The following MTMR7 variants were observed in gnomAD, a reference collection of about 807,000 sequenced individuals.
MTMR7 encodes the protein myotubularin related protein 7.
A neutral mutation model predicts 81.2 loss-of-function variants in MTMR7; 76 were observed. The observed-to-expected ratio is 0.94, with a 90% CI of 0.78 to 1.13. The LOEUF is 1.13. MTMR7 is among the 50% of genes most tolerant of loss of function. The probability of loss-of-function intolerance (pLI) is 0.00; values close to 1 mark genes in which losing one functional copy is unlikely to be tolerated. For synonymous variants in MTMR7, 372 were observed against 289.8 expected, an observed-to-expected ratio of 1.28 and a Z score of -2.88; for missense variants, 1,044 against 820.0, an observed-to-expected ratio of 1.27 and a Z score of -3.34.
intron 6 of MTMR7, among the ~76,000 whole-genome samples, chr8:17,332,585 G>C (rs948622324): frequency 1.3e-5 from 2 of 152,188 alleles, no homozygotes; most frequent in East Asian, 1.9e-4. Flanking sequence ...TAAGTGAAAA[G>C]TGCATGGCAA....
chr8:17,299,990 C>G lies in MTMR7; in HGVS notation c.1855G>C (p.Ala619Pro). Residue 619 changes from alanine (A) to proline (P), a missense_variant, in exon 14 of 14, where the codon GCC becomes CCC. By Grantham distance (27) the Ala-to-Pro change is conservative (BLOSUM62 -1). Coordinates refer to ENST00000180173, the MANE Select transcript of MTMR7 (RefSeq NM_004686.5). ...NLKSSDPDLSANSDQESGVED... is the reference protein window; with the variant it reads ...NLKSSDPDLSPNSDQESGVED... ...ACCCCGGACTCTTGGTCACTGTTGG[C>G]TGACAGATCTGGATCTGAACTTTTC... The G allele has an allele frequency of 6.2e-7, 1 of 1,614,136 alleles. No homozygotes were observed. Among genetic ancestry groups the G allele is most frequent in the South Asian group, 1.1e-5 (1 of 91,076 alleles).
chr8:17,322,022 A>C (rs1014457989), intron 7 of MTMR7, among the ~76,000 whole-genome samples: 3 of 152,154 alleles, frequency 2.0e-5, no homozygotes, highest in Non-Finnish European at 4.4e-5. Context: ...GGGTGCAGAA[A>C]AAGTCTCCAT....
At chr8:17,393,923 T>C (rs1030884893) in intron 1 of MTMR7, among the ~76,000 whole-genome samples, 2 of 152,156 alleles carry the variant, frequency 1.3e-5, no homozygotes, top group Non-Finnish European at 2.9e-5. Context: ...AAAGAAGACA[T>C]ATGAATAGCT....
intron 4 of MTMR7, among the ~76,000 whole-genome samples, chr8:17,351,044 C>T (rs926218617): frequency 4.0e-4 from 61 of 152,214 alleles, no homozygotes; most frequent in African/African-American, 1.4e-3. Context: ...TCCATGAAGT[C>T]AGCCAGCTAG....
At chr8:17,343,428 GA>G (rs894908823) in intron 5 of MTMR7, among the ~76,000 whole-genome samples, 9 of 146,306 alleles carry the variant, frequency 6.2e-5, no homozygotes, top group Non-Finnish European at 7.5e-5. Flanking sequence ...ACTCCATCTC[GA>G]AAAAAAAAAG....
intron 7 of MTMR7, among the ~76,000 whole-genome samples, chr8:17,321,123 T>C (rs1272190271): frequency 6.6e-6 from 1 of 152,224 alleles, no homozygotes; most frequent in Non-Finnish European, 1.5e-5. Context: ...CTCTGACGCT[T>C]AGCCCAGGAA....
chr8:17,349,169 AG>A (rs1249360022), intron 4 of MTMR7, 88 bp from the exon 5 acceptor site: 67 of 1,487,118 alleles, frequency 4.5e-5, no homozygotes, highest in Non-Finnish European at 5.8e-5. Context: ...CCACGCTTAC[AG>A]GTACATCCTT....
At chr8:17,407,318 C>T (rs149118743) in intron 1 of MTMR7, among the ~76,000 whole-genome samples, 3,252 of 151,698 alleles carry the variant, frequency 0.021, 43 homozygotes, top group Non-Finnish European at 0.033. Flanking sequence ...TTTAAATTAG[C>T]AAAAAATAAC....
At chr8:17,364,202 TG>T (rs1314617494) in intron 3 of MTMR7, among the ~76,000 whole-genome samples, 1 of 151,642 alleles carries the variant, frequency 6.6e-6, no homozygotes, top group Admixed American at 6.6e-5. Flanking sequence ...GCTAATTTTT[TG>T]CATTTTTTTT....
chr8:17,382,136 G>A (rs1336014250), intron 1 of MTMR7, among the ~76,000 whole-genome samples: 2 of 152,132 alleles, frequency 1.3e-5, no homozygotes, highest in Non-Finnish European at 2.9e-5. Context: ...TGGCCAACAC[G>A]ACTTTTGTGA....
chr8:17,399,662 T>C (rs192175617), intron 1 of MTMR7, among the ~76,000 whole-genome samples: 1 of 152,164 alleles, frequency 6.6e-6, no homozygotes, highest in East Asian at 1.9e-4. Context: ...AGACCTAGAA[T>C]AGCCAAATGT....
chr8:17,402,476 AT>A (rs2150584529), intron 1 of MTMR7, among the ~76,000 whole-genome samples: 1 of 152,130 alleles, frequency 6.6e-6, no homozygotes, highest in Non-Finnish European at 1.5e-5. Context: ...AATTGTTTTA[AT>A]TTTTAGCTCC....
At chr8:17,334,597 G>A (rs1374118412) in intron 6 of MTMR7, among the ~76,000 whole-genome samples, 3 of 152,250 alleles carry the variant, frequency 2.0e-5, no homozygotes, top group African/African-American at 7.2e-5. Flanking sequence ...TTTGGGTGCA[G>A]AGAAGTTAAT....
intron 4 of MTMR7, chr8:17,349,548 C>G (rs1463019160): frequency 1.3e-5 from 2 of 158,786 alleles, no homozygotes; most frequent in East Asian, 3.6e-4. Flanking sequence ...ATTCCTGACC[C>G]TGACACATCA....
chr8:17,394,067 G>T (rs1002764996), intron 1 of MTMR7, among the ~76,000 whole-genome samples: 6 of 152,188 alleles, frequency 3.9e-5, no homozygotes, highest in African/African-American at 1.4e-4. Context: ...TGAGGATATG[G>T]AGATACTGGA....
At chr8:17,302,313 C>T in intron 12 of MTMR7, 33 bp from the exon 13 acceptor site, 1 of 1,585,860 alleles carries the variant, frequency 6.3e-7, no homozygotes, top group African/African-American at 1.4e-5. Context: ...GTGATACCAC[C>T]TTATCACAGT....
At chr8:17,315,583 C>T (rs930770707) in intron 7 of MTMR7, among the ~76,000 whole-genome samples, 4 of 152,132 alleles carry the variant, frequency 2.6e-5, no homozygotes, top group African/African-American at 4.8e-5. Context: ...AGCTGGGACT[C>T]TCCGTACCTT....
At chr8:17,385,984 G>C (rs759158501) in intron 1 of MTMR7, among the ~76,000 whole-genome samples, 1 of 152,144 alleles carries the variant, frequency 6.6e-6, no homozygotes, top group African/African-American at 2.4e-5. Context: ...GTGAAAATTA[G>C]ACAGCTGCTG....
intron 4 of MTMR7, among the ~76,000 whole-genome samples, chr8:17,360,479 T>G (rs1183240761): frequency 1.6e-5 from 2 of 123,118 alleles, no homozygotes; most frequent in South Asian, 2.2e-4. Flanking sequence ...GGGTTTGGGG[T>G]TTTTTTTTTT....
Sources: gnomAD v4.1 joint callset for allele counts (sites outside exome capture counted in the v4.1 genomes callset) on GRCh38, gnomAD v4.1.1 for gene constraint, MANE v1.5 for transcripts, NCBI Gene and HGNC (gene_info 2026-07-23, HGNC 2026-07-21) for gene names.